VAC14: variants seen among roughly 807,000 people sequenced by gnomAD.
VAC14 encodes VAC14 component of PIKFYVE complex.
VAC14 carries 47 observed loss-of-function variants against 85.3 expected under a neutral mutation model. The ratio of observed to expected loss-of-function variants is 0.55; its 90% confidence interval spans 0.44 to 0.70. VAC14 has a LOEUF of 0.70. Among genes scored for constraint, VAC14 ranks in the 30% least tolerant of loss-of-function variants. The probability of loss-of-function intolerance (pLI) is 0.00; values close to 1 mark genes in which losing one functional copy is unlikely to be tolerated. For missense variants in VAC14, 861 were observed against 1,004.3 expected, an observed-to-expected ratio of 0.86 and a Z score of 1.93; for synonymous variants, 447 against 430.5, an observed-to-expected ratio of 1.04 and a Z score of -0.47.
chr16:70,791,735 A>G (rs2143323143), intron 1 of VAC14, among the ~76,000 whole-genome samples: 1 of 152,286 alleles, frequency 6.6e-6, no homozygotes, highest in South Asian at 2.1e-4. Flanking sequence ...ATGTGTCTGC[A>G]TCTCTAGCAC....
intron 10 of VAC14, among the ~76,000 whole-genome samples, chr16:70,765,174 T>G (rs911059744): frequency 1.3e-5 from 2 of 152,114 alleles, no homozygotes; most frequent in African/African-American, 4.8e-5. Context: ...CAGGGACATG[T>G]AGGCTGCCAG....
intron 14 of VAC14, chr16:70,699,455 C>T (rs1362387015): frequency 6.6e-6 from 1 of 152,624 alleles, no homozygotes; most frequent in Non-Finnish European, 1.5e-5. Flanking sequence ...CGGCCAGAGT[C>T]ACTTAGGGCT....
chr16:70,707,808 T>C (rs953829609), intron 14 of VAC14, among the ~76,000 whole-genome samples: 6 of 151,918 alleles, frequency 3.9e-5, no homozygotes, highest in Non-Finnish European at 2.9e-5. Context: ...TTTCTTTTTT[T>C]TTTTTTCAAG....
At position 70,697,245 on chromosome 16, in the gene VAC14, G is replaced by C; in HGVS notation, c.1849C>G (p.Leu617Val). The C allele has an allele frequency of 6.2e-7, 1 of 1,613,804 alleles. No homozygotes were observed. Residue 617 changes from leucine to valine, a missense_variant, in exon 16 of 19, where the codon CTG becomes GTG. Leu to Val is a conservative substitution (Grantham distance 32). Around this residue, in one of 3 missense-constraint regions of VAC14, gnomAD observed 69 missense variants for 139.0 expected, o/e 0.50. Transcript: ENST00000261776. ...CAGGAGCGGTACAGGCAGCAGAACA[G>C]GTTCTGGCTCTCCTGTGGGGGAACA... Reference protein sequence around the residue: ...KDLKTLESQNLFCCLYRSWCH... With the variant: ...KDLKTLESQNVFCCLYRSWCH...
chr16:70,760,056 T>A (rs892299744), intron 12 of VAC14, among the ~76,000 whole-genome samples: 2 of 152,194 alleles, frequency 1.3e-5, no homozygotes, highest in Non-Finnish European at 2.9e-5. Flanking sequence ...CCCATGGTAA[T>A]GACTTCCTAC....
intron 14 of VAC14, among the ~76,000 whole-genome samples, chr16:70,723,740 G>A (rs1181579051): frequency 1.3e-5 from 2 of 152,092 alleles, no homozygotes; most frequent in South Asian, 2.1e-4. Context: ...GCTGGGGGAG[G>A]TGATGCTTCT....
intron 18 of VAC14, chr16:70,691,826 C>T (rs537841045): frequency 1.8e-5 from 18 of 985,378 alleles, no homozygotes; most frequent in East Asian, 1.1e-4. Context: ...CCGATGCCAG[C>T]GGTGTGGAGG....
chr16:70,760,039 G>C (rs181798553), intron 12 of VAC14, among the ~76,000 whole-genome samples: 1 of 152,304 alleles, frequency 6.6e-6, no homozygotes, highest in Admixed American at 6.5e-5. Context: ...GGTCTAGCGC[G>C]ATTCCTCCCA....
intron 17 of VAC14, among the ~76,000 whole-genome samples, chr16:70,693,853 C>T (rs748472092): frequency 5.9e-5 from 9 of 152,218 alleles, no homozygotes; most frequent in African/African-American, 1.2e-4. Context: ...ACCCCTGGAG[C>T]GGCCACACAG....
chr16:70,730,323 A>G (rs551130248), intron 14 of VAC14, among the ~76,000 whole-genome samples: 1 of 152,126 alleles, frequency 6.6e-6, no homozygotes, highest in Admixed American at 6.5e-5. Context: ...AAGCCCTGTC[A>G]GTGCCTCCGT....
chr16:70,706,129 C>A (rs979171541), intron 14 of VAC14, among the ~76,000 whole-genome samples: 4 of 152,254 alleles, frequency 2.6e-5, no homozygotes, highest in African/African-American at 9.6e-5. Context: ...ACCCTGCCTG[C>A]AAGCCCAGCT....
intron 12 of VAC14, among the ~76,000 whole-genome samples, chr16:70,758,238 T>C (rs143383483): frequency 1.2e-3 from 190 of 152,258 alleles, no homozygotes; most frequent in African/African-American, 4.5e-3. Flanking sequence ...GACAGACAGG[T>C]CATTATAATG....
At chr16:70,772,219 C>T in intron 9 of VAC14, 47 bp from the exon 10 acceptor site, 1 of 1,528,702 alleles carries the variant, frequency 6.5e-7, no homozygotes, top group Non-Finnish European at 9.1e-7. Context: ...TGTTGGCTCT[C>T]TTGAATAAAC....
At chr16:70,800,247 G>C (rs190556883) in intron 1 of VAC14, among the ~76,000 whole-genome samples, 146 of 152,314 alleles carry the variant, frequency 9.6e-4, no homozygotes, top group Middle Eastern at 3.4e-3. Flanking sequence ...AAGCAAGAAA[G>C]GTCAAATTAT....
At chr16:70,783,168 A>G in intron 6 of VAC14, 29 bp from the exon 7 acceptor site, 1 of 1,605,476 alleles carries the variant, frequency 6.2e-7, no homozygotes, top group Non-Finnish European at 8.5e-7. Context: ...AAGTGGAAAC[A>G]GCGAGGGTCA....
At chr16:70,747,924 G>A (rs1242823803) in intron 12 of VAC14, 1 of 151,054 alleles carries the variant, frequency 6.6e-6, no homozygotes, top group Admixed American at 6.6e-5. Context: ...CCTGGAAAAA[G>A]CCACCGAGAG....
intron 17 of VAC14, among the ~76,000 whole-genome samples, chr16:70,693,638 C>T (rs569944934): frequency 3.9e-5 from 6 of 152,304 alleles, no homozygotes; most frequent in Admixed American, 6.5e-5. Flanking sequence ...AGCTGCAGCA[C>T]GGACCCCGCT....
intron 14 of VAC14, among the ~76,000 whole-genome samples, chr16:70,728,186 T>C (rs1034949430): frequency 2.6e-5 from 4 of 152,032 alleles, no homozygotes; most frequent in Non-Finnish European, 5.9e-5. Context: ...CATGGCAGGT[T>C]TGAGCCCCAG....
At chr16:70,705,396 C>T (rs867381668) in intron 14 of VAC14, among the ~76,000 whole-genome samples, 1 of 152,266 alleles carries the variant, frequency 6.6e-6, no homozygotes, top group Admixed American at 6.5e-5. Flanking sequence ...TGGACGCAGC[C>T]TGCCTCTCTG....
Sources: gnomAD v4.1 joint callset for allele counts (sites outside exome capture counted in the v4.1 genomes callset) on GRCh38, gnomAD v4.1.1 for gene constraint, gnomAD v4.1.1 regional missense constraint, MANE v1.5 for transcripts, NCBI Gene and HGNC (gene_info 2026-07-23, HGNC 2026-07-21) for gene names.